Variants in SLCO3A1 observed in about 807,000 individuals in gnomAD.
SLCO3A1 encodes solute carrier organic anion transporter family member 3A1.
SLCO3A1 carries 27 observed loss-of-function variants against 63.1 expected under a neutral mutation model. The ratio of observed to expected loss-of-function variants is 0.43; its 90% CI spans 0.32 to 0.59. The LOEUF (loss-of-function observed/expected upper bound fraction) is 0.59. SLCO3A1 is among the 20% of genes least tolerant of loss of function. SLCO3A1 has a pLI of 0.09. For missense variants in SLCO3A1, 773 were observed against 945.8 expected, an observed-to-expected ratio of 0.82 and a Z score of 2.40; for synonymous variants, 473 against 409.9, an observed-to-expected ratio of 1.15 and a Z score of -1.86.
intron 1 of SLCO3A1, among the ~76,000 whole-genome samples, chr15:91,869,262 A>C (rs1032741456): frequency 6.6e-6 from 1 of 152,088 alleles, no homozygotes; most frequent in African/African-American, 2.4e-5. Context: ...TTAGCTGAGC[A>C]TGGTGGCTTA....
At chr15:91,855,952 GCTTA>G (rs2141828835) in intron 1 of SLCO3A1, among the ~76,000 whole-genome samples, 1 of 152,128 alleles carries the variant, frequency 6.6e-6, no homozygotes, top group East Asian at 1.9e-4. Context: ...AAAAGCGTGG[GCTTA>G]CTATTTTTCG....
intron 1 of SLCO3A1, among the ~76,000 whole-genome samples, chr15:91,866,758 A>G (rs1897175958): frequency 6.6e-6 from 1 of 151,872 alleles, no homozygotes; most frequent in Non-Finnish European, 1.5e-5. Flanking sequence ...TTAATGACTC[A>G]TTCATTAGGA....
intron 2 of SLCO3A1, among the ~76,000 whole-genome samples, chr15:91,933,799 A>G (rs1181577598): frequency 6.6e-6 from 1 of 152,244 alleles, no homozygotes; most frequent in Non-Finnish European, 1.5e-5. Flanking sequence ...TCTCAGAGCT[A>G]GTAAGTAGCA....
intron 6 of SLCO3A1, among the ~76,000 whole-genome samples, chr15:92,127,829 T>C (rs2047943696): frequency 6.6e-6 from 1 of 152,200 alleles, no homozygotes. Flanking sequence ...GTAAGCATCA[T>C]GAGGCTTCCT....
chr15:91,874,444 G>C (rs575317542), intron 1 of SLCO3A1, among the ~76,000 whole-genome samples: 1 of 152,250 alleles, frequency 6.6e-6, no homozygotes, highest in Non-Finnish European at 1.5e-5. Context: ...GGCCACCACT[G>C]TTCACTTCCT....
In SLCO3A1 at chr15:91,927,874, C is replaced by T. The variant is rs553323910; in HGVS notation, c.646+11416C>T. The stretch of plus-strand genomic sequence containing the variant: ...GTATGGACACTGGAACCTTTTGAAA[C>T]CTGGTGGTGTCTATTATTAGATCTA... On this transcript the variant is annotated intron_variant, in intron 2 of 9. Transcript: ENST00000318445. Among the ~76,000 whole-genome samples the T allele has an allele frequency of 3.9e-5, 6 of 152,314 alleles. No homozygotes were observed. In the South Asian group the frequency reaches 1.2e-3, roughly 32 times the overall value.
chr15:91,896,960 C>T (rs966154366), intron 1 of SLCO3A1, among the ~76,000 whole-genome samples: 1 of 152,194 alleles, frequency 6.6e-6, no homozygotes, highest in African/African-American at 2.4e-5. Context: ...AGGAGCCAGA[C>T]AGTCCTGGGT....
rs968617543 is a variant in SLCO3A1, at chr15:92,163,649, C to T, written c.*514C>T. ...CTCTTCCTCCAGGTGGGGGTGGGGG[C>T]GGGCGCACAAGTCGGAGGGGTGGAA... On this transcript the variant is annotated 3_prime_UTR_variant, in exon 10 of 10. Coordinates refer to ENST00000318445, the MANE Select transcript of SLCO3A1 (RefSeq NM_013272.4). 1.1e-4 allele frequency: 105 copies of T among 984,862 alleles called. No homozygotes were observed. In the African/African-American group the frequency reaches 1.4e-3, roughly 13 times the overall value. 61.0% of individuals were successfully genotyped at this position (984,862 alleles called of 1,614,324 possible).
intron 2 of SLCO3A1, among the ~76,000 whole-genome samples, chr15:91,957,179 C>T (rs552548976): frequency 4.2e-5 from 4 of 94,354 alleles, no homozygotes; most frequent in South Asian, 3.2e-4. Flanking sequence ...TTAGTAGAGA[C>T]GGGGTTTTAC....
rs1368013823 is a variant in SLCO3A1 at position 91,941,160 on chromosome 15, C to T, written c.646+24702C>T. Among the ~76,000 whole-genome samples, 1 of 152,172 alleles carries T rather than the reference C, an allele frequency of 6.6e-6. No homozygotes were observed. Among genetic ancestry groups the T allele is most frequent in the Non-Finnish European group, 1.5e-5 (1 of 68,038 alleles). Reference sequence around the variant, plus strand: ...GAAATTAATTCTGTAGGCTCCCTTGCCTGGTTGTGGGCAGCACTGCTCCAG... The same window carrying T: ...GAAATTAATTCTGTAGGCTCCCTTGTCTGGTTGTGGGCAGCACTGCTCCAG... On this transcript the variant is annotated intron_variant, in intron 2 of 9. Transcript: ENST00000318445. The surrounding 1 kb of genome is among the most constrained non-coding windows in gnomAD (Gnocchi z 4.4).
Position 91,968,584 on chromosome 15 carries a change from C to G in SLCO3A1, c.646+52126C>G, listed in dbSNP as rs186080188. Among the ~76,000 whole-genome samples the G allele has an allele frequency of 4.6e-5, 7 of 152,248 alleles. No homozygotes were observed. The East Asian group carries it at 1.4e-3, about 29-fold the overall frequency. ...CTGGTGCTAACAAAGGAAGTTCCAT[C>G]ACAGACAAGGAGTGAGAAGAAGCCA... On this transcript the variant is annotated intron_variant, in intron 2 of 9. Transcript: ENST00000318445. This position sits in a 1 kb window ranked among gnomAD's most constrained non-coding sequence, Gnocchi z 4.2.
chr15:92,010,015 C>A (rs571960095), intron 2 of SLCO3A1, among the ~76,000 whole-genome samples: 58 of 152,288 alleles, frequency 3.8e-4, no homozygotes, highest in Non-Finnish European at 7.1e-4. Flanking sequence ...CTCCTCCCTG[C>A]AATTTCACCG....
intron 2 of SLCO3A1, among the ~76,000 whole-genome samples, chr15:91,918,684 T>C (rs1898741899): frequency 1.3e-5 from 2 of 152,242 alleles, no homozygotes; most frequent in Non-Finnish European, 1.5e-5. Context: ...TGAGAATATT[T>C]CAGAGTTTAT....
intron 2 of SLCO3A1, among the ~76,000 whole-genome samples, chr15:91,935,126 G>A (rs538428653): frequency 6.6e-6 from 1 of 152,118 alleles, no homozygotes; most frequent in African/African-American, 2.4e-5. Context: ...GCTAATTTTT[G>A]TATTTTTAGT....
In SLCO3A1 at chr15:91,941,065, A is replaced by G. The variant is rs74028387; in HGVS notation, c.646+24607A>G. Among the ~76,000 whole-genome samples, 1,750 of 152,190 alleles carry G rather than the reference A, an allele frequency of 0.011. 36 individuals are homozygous for G. Among genetic ancestry groups the G allele is most frequent in the African/African-American group, 0.04 (1,642 of 41,496 alleles). ...AGGAAATCACCCTTTAAAATTTATGACCATTTTCTCTGACATTAACGTGCA... is the reference window on the plus strand; with the variant it reads ...AGGAAATCACCCTTTAAAATTTATGGCCATTTTCTCTGACATTAACGTGCA... On this transcript the variant is annotated intron_variant, in intron 2 of 9. Transcript: ENST00000318445. The surrounding 1 kb of genome is among the most constrained non-coding windows in gnomAD (Gnocchi z 4.4).
chr15:92,130,630 CA>C (rs1026323936), intron 7 of SLCO3A1, among the ~76,000 whole-genome samples: 39 of 152,288 alleles, frequency 2.6e-4, no homozygotes, highest in African/African-American at 9.1e-4. Context: ...GCAGCAGCAG[CA>C]GCAGGCTTTG....
At chr15:92,136,132 A>T (rs1188484369) in intron 7 of SLCO3A1, among the ~76,000 whole-genome samples, 1 of 152,202 alleles carries the variant, frequency 6.6e-6, no homozygotes, top group African/African-American at 2.4e-5. Context: ...AGAGAAAAGA[A>T]ATTTTCATGT....
intron 9 of SLCO3A1, among the ~76,000 whole-genome samples, chr15:92,159,621 C>T (rs1044020122): frequency 1.4e-5 from 2 of 141,818 alleles, no homozygotes; most frequent in South Asian, 4.4e-4. Flanking sequence ...GCCTGGAATG[C>T]AGTGGCGTGA....
chr15:91,934,486 A>G (rs939346379), intron 2 of SLCO3A1, among the ~76,000 whole-genome samples: 1 of 152,230 alleles, frequency 6.6e-6, no homozygotes, highest in Non-Finnish European at 1.5e-5. Context: ...CGGGTGCCCC[A>G]TACCACTTCT....
Sources: allele counts gnomAD v4.1 joint callset (sites outside exome capture counted in the v4.1 genomes callset), GRCh38; gene constraint gnomAD v4.1.1; non-coding constraint Gnocchi (gnomAD v3.1); transcripts MANE v1.5; gene names NCBI Gene and HGNC (gene_info 2026-07-23, HGNC 2026-07-21).